Variants in FHIT observed in about 807,000 individuals in gnomAD.
FHIT encodes the protein fragile histidine triad diadenosine triphosphatase.
Under a neutral mutation model 17.9 loss-of-function variants are expected in FHIT, and 19 were observed. The observed-to-expected ratio is 1.06, with a 90% CI of 0.74 to 1.56. The LOEUF (loss-of-function observed/expected upper bound fraction) is 1.56. FHIT is among the 40% of genes most tolerant of loss of function. The pLI, the probability that FHIT is intolerant of heterozygous loss-of-function variation, is 0.00. For missense variants in FHIT, 248 were observed against 189.2 expected, an observed-to-expected ratio of 1.31 and a Z score of -1.82; for synonymous variants, 81 against 69.7, an observed-to-expected ratio of 1.16 and a Z score of -0.81.
intron 5 of FHIT, among the ~76,000 whole-genome samples, chr3:60,259,224 T>G (rs977705585): frequency 5.9e-5 from 9 of 152,098 alleles, no homozygotes; most frequent in African/African-American, 2.2e-4. Context: ...ACCTTTCCTA[T>G]CACCCTTAAA....
At chr3:60,237,998 C>T (rs1360452463) in intron 5 of FHIT, among the ~76,000 whole-genome samples, 1 of 151,704 alleles carries the variant, frequency 6.6e-6, no homozygotes, top group East Asian at 1.9e-4. Context: ...TAAAAAAAAT[C>T]AGCCAGGAAT....
chr3:60,673,525 G>A lies in FHIT; in HGVS notation c.-17-136546C>T, dbSNP rs183075528. Among the ~76,000 whole-genome samples, 5 of 152,090 alleles carry A rather than the reference G, an allele frequency of 3.3e-5. No homozygotes were observed. The East Asian group carries it at 7.7e-4, about 24-fold the overall frequency. Reference sequence around the variant, plus strand: ...CACTGGGGCCTGTCTGGGGTGGGATGGGGGGCAGCGGTGGGAGGGAGAGCA... The same window carrying A: ...CACTGGGGCCTGTCTGGGGTGGGATAGGGGGCAGCGGTGGGAGGGAGAGCA... On this transcript the variant is annotated intron_variant, in intron 4 of 9. Transcript: ENST00000492590.
intron 7 of FHIT, among the ~76,000 whole-genome samples, chr3:59,971,633 A>G (rs573144077): frequency 6.6e-6 from 1 of 152,246 alleles, no homozygotes; most frequent in Non-Finnish European, 1.5e-5. Context: ...TTTCAATACC[A>G]TGTGCATCAA....
At chr3:60,103,584 T>C in intron 5 of FHIT, among the ~76,000 whole-genome samples, 1 of 152,148 alleles carries the variant, frequency 6.6e-6, no homozygotes, top group East Asian at 1.9e-4. Flanking sequence ...AGGAAGTTTA[T>C]TTGCTCAGAC....
chr3:60,594,364 T>A (rs956106332), intron 4 of FHIT, among the ~76,000 whole-genome samples: 2 of 151,944 alleles, frequency 1.3e-5, no homozygotes, highest in Non-Finnish European at 2.9e-5. Flanking sequence ...TATAGAAAAA[T>A]AGAACACTGA....
intron 4 of FHIT, among the ~76,000 whole-genome samples, chr3:60,745,846 C>G (rs187945182): frequency 6.6e-6 from 1 of 152,116 alleles, no homozygotes; most frequent in Non-Finnish European, 1.5e-5. Context: ...AGGATCTGAA[C>G]GCATCTGTAC....
chr3:59,872,847 C>T (rs1237959008), intron 8 of FHIT, among the ~76,000 whole-genome samples: 1 of 152,168 alleles, frequency 6.6e-6, no homozygotes, highest in East Asian at 1.9e-4. Context: ...TCCCTAGCTC[C>T]TTGTTGGGGG....
chr3:60,408,020 C>T (rs566368615), intron 5 of FHIT, among the ~76,000 whole-genome samples: 8 of 152,306 alleles, frequency 5.3e-5, no homozygotes, highest in African/African-American at 1.7e-4. Context: ...CTACCAATGA[C>T]AGCACATGCC....
chr3:61,070,728 A>G (rs1007634906), intron 2 of FHIT, among the ~76,000 whole-genome samples: 1 of 152,144 alleles, frequency 6.6e-6, no homozygotes, highest in African/African-American at 2.4e-5. Context: ...AATACATAAT[A>G]CTAATTTTCT....
Position 60,145,315 on chromosome 3 carries a change from T to C in FHIT, c.104-131163A>G, listed in dbSNP as rs150960764. ...GAGATAACAGATTCTGCAGTCACAT[T>C]ATATGTAAATTATGTACAAGCTTCA... On this transcript the variant is annotated intron_variant, in intron 5 of 9. Transcript: ENST00000492590. 1.9e-3 allele frequency among the ~76,000 whole-genome samples: 287 copies of C among 152,336 alleles called. 1 individual carries two copies. The highest frequency in any genetic ancestry group is 6.8e-3 in the Middle Eastern group (2 of 294).
chr3:61,155,359 G>T (rs9875504), intron 2 of FHIT, among the ~76,000 whole-genome samples: 36,527 of 152,056 alleles, frequency 0.24, 4,883 homozygotes, highest in East Asian at 0.44. Flanking sequence ...TAAACTGAAG[G>T]AGGTAGATTA....
chr3:60,171,025 A>G (rs1302337716), intron 5 of FHIT, among the ~76,000 whole-genome samples: 1 of 152,198 alleles, frequency 6.6e-6, no homozygotes, highest in African/African-American at 2.4e-5. Flanking sequence ...CCAACTTTCT[A>G]TCCCCAACAG....
chr3:60,602,064 A>C (rs972406185), intron 4 of FHIT, among the ~76,000 whole-genome samples: 1 of 152,214 alleles, frequency 6.6e-6, no homozygotes, highest in African/African-American at 2.4e-5. Context: ...AGATAGAGTA[A>C]GCCAAGAAAA....
chr3:60,600,490 A>G (rs546153839), intron 4 of FHIT, among the ~76,000 whole-genome samples: 1 of 152,318 alleles, frequency 6.6e-6, no homozygotes, highest in East Asian at 1.9e-4. Flanking sequence ...AGGATTTTAA[A>G]AAGCTAATAC....
intron 2 of FHIT, among the ~76,000 whole-genome samples, chr3:61,046,726 C>T (rs995136773): frequency 1.3e-5 from 2 of 152,104 alleles, no homozygotes; most frequent in Admixed American, 6.5e-5. Flanking sequence ...TGATGAACTT[C>T]GATGCAAAAA....
chr3:60,506,903 G>A (rs9881093), intron 5 of FHIT, among the ~76,000 whole-genome samples: 4 of 151,792 alleles, frequency 2.6e-5, no homozygotes, highest in Non-Finnish European at 4.4e-5. Flanking sequence ...AAAAACTGAC[G>A]GATATACTAT....
intron 2 of FHIT, among the ~76,000 whole-genome samples, chr3:61,168,569 G>C (rs1358448098): frequency 6.6e-6 from 1 of 152,158 alleles, no homozygotes; most frequent in East Asian, 1.9e-4. Flanking sequence ...GTCTTAACTT[G>C]AGCAATGCTG....
Position 60,431,027 on chromosome 3 carries a change from C to T in FHIT, c.103+105833G>A, listed in dbSNP as rs148485999. 5.3e-3 allele frequency among the ~76,000 whole-genome samples: 810 copies of T among 152,142 alleles called. 9 individuals are homozygous for T. The highest frequency in any genetic ancestry group is 0.019 in the African/African-American group (779 of 41,510). ...AACAGTTCAAGACCAGCCTGGACAACATGGTGAAACCCTGTCTCTACTAAA... is the reference window on the plus strand; with the variant it reads ...AACAGTTCAAGACCAGCCTGGACAATATGGTGAAACCCTGTCTCTACTAAA... On this transcript the variant is annotated intron_variant, in intron 5 of 9. Coordinates refer to ENST00000492590, the MANE Select transcript of FHIT (RefSeq NM_002012.4).
At chr3:61,058,570 T>C (rs2034310294) in intron 2 of FHIT, among the ~76,000 whole-genome samples, 2 of 152,144 alleles carry the variant, frequency 1.3e-5, no homozygotes, top group Non-Finnish European at 2.9e-5. Context: ...TGTTTAAAAG[T>C]GTGCAGCACT....
Sources: allele counts gnomAD v4.1 joint callset (sites outside exome capture counted in the v4.1 genomes callset), GRCh38; gene constraint gnomAD v4.1.1; transcripts MANE v1.5; gene names NCBI Gene and HGNC (gene_info 2026-07-23, HGNC 2026-07-21).